The following FGF13 variants were observed in gnomAD, a reference collection of about 807,000 sequenced individuals.
FGF13 encodes fibroblast growth factor homologous factor 2.
In FGF13, 2 loss-of-function variants were observed where a neutral mutation model predicts 19.5. That is an observed-to-expected ratio of 0.10 (90% CI 0.04 to 0.32). The LOEUF (loss-of-function observed/expected upper bound fraction) is 0.32, where lower values mean the gene tolerates loss of function less well. Among genes scored for constraint, FGF13 ranks in the 10% least tolerant of loss-of-function variants. The pLI is 1.00. For missense variants in FGF13, 113 were observed against 192.7 expected (o/e 0.59, Z 2.45); for synonymous variants, 72 against 76.9 (o/e 0.94, Z 0.33).
At chrX:138,687,246 C>T (rs895871799) in intron 3 of FGF13, among the ~76,000 whole-genome samples, 1 of 111,464 alleles carries the variant, frequency 9.0e-6, no homozygotes, top group African/African-American at 3.3e-5. Flanking sequence ...ATACTGTCCA[C>T]CTAACAAGGG....
At chrX:138,962,673 G>A (rs988840074) in intron 1 of FGF13, among the ~76,000 whole-genome samples, 5 of 111,869 alleles carry the variant, frequency 4.5e-5, no homozygotes, top group African/African-American at 1.3e-4. Context: ...CCATAAAAAC[G>A]GATGAGTTCA....
At chrX:138,768,704 T>G (rs956922096) in intron 3 of FGF13, among the ~76,000 whole-genome samples, 25 of 90,993 alleles carry the variant, frequency 2.7e-4, no homozygotes, top group African/African-American at 5.5e-4. Context: ...GTATATATTA[T>G]ATATATATAT....
intron 1 of FGF13, among the ~76,000 whole-genome samples, chrX:138,949,623 G>C (rs2091799897): frequency 8.9e-6 from 1 of 111,878 alleles, no homozygotes; most frequent in African/African-American, 3.2e-5. Context: ...TGTGAATTTA[G>C]GGGGAATCAC....
At chrX:138,893,326 C>G (rs1010637604) in intron 1 of FGF13, among the ~76,000 whole-genome samples, 12 of 111,664 alleles carry the variant, frequency 1.1e-4, no homozygotes, top group African/African-American at 3.3e-4. Context: ...CTTGTCCTTG[C>G]GCTTATAATT....
rs1425075457 is a variant in FGF13, at chrX:138,951,786, CCT to C, written c.-112-87138_-112-87137del. On this transcript the variant is annotated intron_variant, in intron 1 of 2. Transcript: ENST00000421460. Reference sequence around the variant, plus strand: ...CACAACTCTCATATATTGCTAGTACCCTGTTAGGTATAGCCTGTTTAGAAATA... The same window carrying C: ...CACAACTCTCATATATTGCTAGTACCGTTAGGTATAGCCTGTTTAGAAATA... Among the ~76,000 whole-genome samples the C allele has an allele frequency of 2.7e-5, 3 of 111,715 alleles. No homozygotes were observed. In the East Asian group the frequency reaches 8.5e-4, roughly 32 times the overall value.
chrX:139,181,960 T>G (rs1219230464), intron 1 of FGF13, among the ~76,000 whole-genome samples: 1 of 110,334 alleles, frequency 9.1e-6, no homozygotes, highest in Admixed American at 9.7e-5. Flanking sequence ...TTCACCACCC[T>G]CTTCTCCCTC....
At chrX:139,018,260 T>C (rs2092162500) in intron 1 of FGF13, among the ~76,000 whole-genome samples, 1 of 111,679 alleles carries the variant, frequency 9.0e-6, no homozygotes, top group Non-Finnish European at 1.9e-5. Context: ...AGGATATTTC[T>C]CAGTGAGGAC....
intron 3 of FGF13, among the ~76,000 whole-genome samples, chrX:138,810,972 T>C (rs915636874): frequency 2.7e-5 from 3 of 111,701 alleles, no homozygotes; most frequent in Non-Finnish European, 1.9e-5. Context: ...TGTGGAGAAA[T>C]AGGAACAGTT....
intron 1 of FGF13, among the ~76,000 whole-genome samples, chrX:139,181,938 GA>G (rs973944548): frequency 9.1e-6 from 1 of 109,919 alleles, no homozygotes; most frequent in African/African-American, 3.3e-5. Flanking sequence ...GTTCTTTACT[GA>G]AAAAAATTCC....
chrX:138,904,785 G>A (rs757945524), intron 1 of FGF13, among the ~76,000 whole-genome samples: 12 of 111,236 alleles, frequency 1.1e-4, no homozygotes, highest in Non-Finnish European at 1.9e-4. Flanking sequence ...GGACATGCGC[G>A]CTCCAAGAGA....
At chrX:139,118,663 C>T (rs2083656590) in intron 1 of FGF13, among the ~76,000 whole-genome samples, 1 of 111,387 alleles carries the variant, frequency 9.0e-6, no homozygotes, top group South Asian at 3.8e-4. Context: ...AACCAAATCT[C>T]CCTCCTCAGA....
chrX:138,708,280 G>A (rs2090010907), intron 2 of FGF13, among the ~76,000 whole-genome samples: 1 of 112,022 alleles, frequency 8.9e-6, no homozygotes, highest in Non-Finnish European at 1.9e-5. Flanking sequence ...AATTTGGTCT[G>A]AAACCATGGT....
intron 3 of FGF13, among the ~76,000 whole-genome samples, chrX:138,839,804 G>A (rs1252040121): frequency 8.9e-6 from 1 of 111,787 alleles, no homozygotes. Context: ...CACCCCAGAT[G>A]TAAAAGCCAT....
chrX:138,819,878 A>G (rs1315067319), intron 3 of FGF13, among the ~76,000 whole-genome samples: 1 of 111,954 alleles, frequency 8.9e-6, no homozygotes, highest in African/African-American at 3.2e-5. Flanking sequence ...AAGGTGGAAT[A>G]TTGTGATTTG....
At chrX:138,713,600 T>TGGTATTG (rs1418188260), upstream of FGF13, among the ~76,000 whole-genome samples, 1 of 111,884 alleles carries the variant, frequency 8.9e-6, no homozygotes, top group Admixed American at 9.4e-5. Flanking sequence ...AGGAAGGGGA[T>TGGTATTG]AGACCTTAGA....
intron 1 of FGF13, among the ~76,000 whole-genome samples, chrX:138,869,692 A>AT (rs1470260011): frequency 8.9e-6 from 1 of 112,499 alleles, no homozygotes; most frequent in Non-Finnish European, 1.9e-5. Flanking sequence ...AAAGAAGCAC[A>AT]TTTTTAGCTA....
At chrX:138,682,304 T>C in intron 3 of FGF13, among the ~76,000 whole-genome samples, 1 of 112,531 alleles carries the variant, frequency 8.9e-6, no homozygotes, top group East Asian at 2.8e-4. Flanking sequence ...GAAAATATAA[T>C]GCATTGCCAT....
At chrX:139,098,376 T>C (rs1019073775) in intron 1 of FGF13, among the ~76,000 whole-genome samples, 1 of 111,780 alleles carries the variant, frequency 8.9e-6, no homozygotes, top group African/African-American at 3.3e-5. Flanking sequence ...ACTGGGTATA[T>C]ACCCAAGGAA....
At chrX:138,661,414 TTTC>T (rs2089489801) in intron 3 of FGF13, among the ~76,000 whole-genome samples, 1 of 112,016 alleles carries the variant, frequency 8.9e-6, no homozygotes, top group South Asian at 3.7e-4. Context: ...AAGGCTTCAG[TTTC>T]TTAAGTTCTG....
Sources: allele counts gnomAD v4.1 joint callset (sites outside exome capture counted in the v4.1 genomes callset), GRCh38; gene constraint gnomAD v4.1.1; transcripts MANE v1.5; gene names NCBI Gene and HGNC (gene_info 2026-07-23, HGNC 2026-07-21).